The following PDLIM5 variants were observed in gnomAD, a reference collection of about 807,000 sequenced individuals.
PDLIM5 encodes PDZ and LIM domain protein 5.
In PDLIM5, 34 loss-of-function variants were observed where a neutral mutation model predicts 64.2. The observed-to-expected ratio is 0.53, with a 90% CI of 0.40 to 0.71. PDLIM5 has a LOEUF of 0.71. PDLIM5 is among the 30% of genes least tolerant of loss of function. The pLI is 0.00. For missense variants in PDLIM5, 683 were observed against 733.6 expected, an observed-to-expected ratio of 0.93 and a Z score of 0.80; for synonymous variants, 253 against 269.1, an observed-to-expected ratio of 0.94 and a Z score of 0.59.
intron 3 of PDLIM5, among the ~76,000 whole-genome samples, chr4:94,567,382 G>T (rs1414100309): frequency 6.6e-6 from 1 of 152,174 alleles, no homozygotes; most frequent in Non-Finnish European, 1.5e-5. Context: ...ATGAAGTACT[G>T]TGTTGATAAA....
At chr4:94,662,000 T>C (rs1483583839) in intron 11 of PDLIM5, among the ~76,000 whole-genome samples, 2 of 152,124 alleles carry the variant, frequency 1.3e-5, no homozygotes, top group Non-Finnish European at 2.9e-5. Context: ...TTTGTATTTT[T>C]AGTAGAGACG....
chr4:94,459,612 A>G (rs1264375997), intron 2 of PDLIM5, among the ~76,000 whole-genome samples: 2 of 152,236 alleles, frequency 1.3e-5, no homozygotes, highest in African/African-American at 4.8e-5. Flanking sequence ...TGGGGAGTAC[A>G]AAGGTTGGAT....
Position 94,666,004 on chromosome 4 carries a change from G to A in PDLIM5, c.*1937G>A. ...GAAAACAGATTCTGGTATTTGATTT[G>A]GTTTTTCTCTTTGTTTCCAGAATGG... is the stretch of plus-strand genomic sequence containing the variant. On this transcript the variant is annotated 3_prime_UTR_variant, in exon 13 of 13. Coordinates refer to ENST00000317968, the MANE Select transcript of PDLIM5 (RefSeq NM_006457.5). 1 of 1,533,324 alleles carries A rather than the reference G, an allele frequency of 6.5e-7. No homozygotes were observed. 95.0% of individuals were successfully genotyped at this position (1,533,324 alleles called of 1,614,324 possible).
chr4:94,527,813 C>T (rs1318441824), intron 3 of PDLIM5, among the ~76,000 whole-genome samples: 3 of 152,172 alleles, frequency 2.0e-5, no homozygotes, highest in Admixed American at 6.5e-5. Context: ...CTGTCAGCTG[C>T]CCTGGAAGTA....
At chr4:94,454,793 TTC>T (rs1475319660) in intron 1 of PDLIM5, among the ~76,000 whole-genome samples, 1 of 152,240 alleles carries the variant, frequency 6.6e-6, no homozygotes, top group African/African-American at 2.4e-5. Context: ...TGCAGTCTCT[TTC>T]ACATGTTAGA....
At chr4:94,472,384 T>G (rs745328634) in intron 2 of PDLIM5, among the ~76,000 whole-genome samples, 11 of 152,114 alleles carry the variant, frequency 7.2e-5, no homozygotes, top group Non-Finnish European at 1.6e-4. Flanking sequence ...TGCCATTCAG[T>G]GTAGTTTTGT....
intron 3 of PDLIM5, among the ~76,000 whole-genome samples, chr4:94,539,212 C>T (rs1731566405): frequency 6.6e-6 from 1 of 152,060 alleles, no homozygotes; most frequent in Non-Finnish European, 1.5e-5. Context: ...GAATAAGTAA[C>T]AAGATGAACA....
chr4:94,493,161 T>G (rs1297873302), intron 2 of PDLIM5, among the ~76,000 whole-genome samples: 2 of 152,350 alleles, frequency 1.3e-5, no homozygotes, highest in East Asian at 3.9e-4. Flanking sequence ...ATATCTTGTT[T>G]GGAGAAATTG....
chr4:94,560,974 G>T (rs562523437), intron 3 of PDLIM5, among the ~76,000 whole-genome samples: 1 of 152,012 alleles, frequency 6.6e-6, no homozygotes, highest in East Asian at 1.9e-4. Flanking sequence ...TGATCCGCCC[G>T]CCTCGGCCTC....
intron 9 of PDLIM5, among the ~76,000 whole-genome samples, chr4:94,644,745 G>A (rs910810536): frequency 1.3e-5 from 2 of 151,906 alleles, no homozygotes; most frequent in African/African-American, 4.8e-5. Context: ...ATTTCACCAT[G>A]TTAACCAGGA....
intron 8 of PDLIM5, among the ~76,000 whole-genome samples, chr4:94,620,116 C>G (rs1159060103): frequency 6.6e-6 from 1 of 152,170 alleles, no homozygotes; most frequent in African/African-American, 2.4e-5. Flanking sequence ...CTTCAGTTTC[C>G]AAGACATGGC....
At chr4:94,536,742 G>A (rs1408415615) in intron 3 of PDLIM5, among the ~76,000 whole-genome samples, 2 of 152,140 alleles carry the variant, frequency 1.3e-5, no homozygotes, top group Non-Finnish European at 2.9e-5. Flanking sequence ...TTAGTTAATG[G>A]CAGCAGTCTC....
intron 3 of PDLIM5, among the ~76,000 whole-genome samples, chr4:94,543,485 T>G (rs182842232): frequency 3.3e-5 from 5 of 152,262 alleles, no homozygotes; most frequent in Admixed American, 6.5e-5. Context: ...ATCAAGAATA[T>G]ACTACATTGT....
intron 9 of PDLIM5, among the ~76,000 whole-genome samples, chr4:94,654,020 T>C (rs1742029850): frequency 6.6e-6 from 1 of 152,188 alleles, no homozygotes; most frequent in Non-Finnish European, 1.5e-5. Flanking sequence ...GCACTATGAC[T>C]TACCAAATTG....
At chr4:94,494,862 C>T (rs1727234440) in intron 2 of PDLIM5, among the ~76,000 whole-genome samples, 1 of 152,108 alleles carries the variant, frequency 6.6e-6, no homozygotes, top group African/African-American at 2.4e-5. Flanking sequence ...GATTCTCCTG[C>T]CTTAGCCTCC....
At chr4:94,579,412 C>T in intron 5 of PDLIM5, 1 of 467,948 alleles carries the variant, frequency 2.1e-6, no homozygotes, top group Non-Finnish European at 3.8e-6. Flanking sequence ...TTTTGTTGGA[C>T]TGAAATTTCT....
At chr4:94,517,819 A>C (rs998485022) in intron 2 of PDLIM5, among the ~76,000 whole-genome samples, 3 of 152,194 alleles carry the variant, frequency 2.0e-5, no homozygotes, top group Non-Finnish European at 2.9e-5. Flanking sequence ...CACGTCTCCT[A>C]CTTGTTGCCT....
intron 3 of PDLIM5, among the ~76,000 whole-genome samples, chr4:94,567,863 G>C (rs1734471195): frequency 6.6e-6 from 1 of 152,160 alleles, no homozygotes; most frequent in African/African-American, 2.4e-5. Context: ...TATCAGTGCT[G>C]TGTGGTATGA....
chr4:94,619,257 C>T (rs1029228689), intron 8 of PDLIM5, among the ~76,000 whole-genome samples: 3 of 152,160 alleles, frequency 2.0e-5, no homozygotes, highest in African/African-American at 7.2e-5. Flanking sequence ...ATGACCTCTT[C>T]ATTACAAATG....
Sources: allele counts gnomAD v4.1 joint callset (sites outside exome capture counted in the v4.1 genomes callset), GRCh38; gene constraint gnomAD v4.1.1; transcripts MANE v1.5; gene names NCBI Gene and HGNC (gene_info 2026-07-23, HGNC 2026-07-21).